The following TEK variants were observed in gnomAD, a reference collection of about 807,000 sequenced individuals.
The protein encoded by TEK is TEK receptor tyrosine kinase.
A neutral mutation model predicts 131.8 loss-of-function variants in TEK; 43 were observed. The observed-to-expected ratio is 0.33, with a 90% CI of 0.26 to 0.42. The LOEUF (loss-of-function observed/expected upper bound fraction) is 0.42, where lower values mean the gene tolerates loss of function less well. Ranked by LOEUF, TEK falls within the 10% of genes least tolerant of loss-of-function variation. The pLI, the probability that TEK is intolerant of heterozygous loss-of-function variation, is 1.00. For synonymous variants in TEK, 580 were observed against 491.6 expected (o/e 1.18, Z -2.38); for missense variants, 1,162 against 1,384.4 (o/e 0.84, Z 2.55).
chr9:27,146,990 A>G (rs552868859), intron 1 of TEK, among the ~76,000 whole-genome samples: 1 of 152,060 alleles, frequency 6.6e-6, no homozygotes, highest in South Asian at 2.1e-4. Context: ...CGGCCTCCCA[A>G]AGTGCTGGGA....
At position 27,109,410 on chromosome 9, in the gene TEK, G is replaced by T. The variant is rs895195559; in HGVS notation, c.-181G>T. 2.8e-6 allele frequency: 2 copies of T among 706,814 alleles called. No individual in the cohort carries two copies. The highest frequency in any genetic ancestry group is 3.6e-5 in the African/African-American group (2 of 56,230). 43.8% of individuals were successfully genotyped at this position (706,814 alleles called of 1,614,324 possible). On this transcript the variant is annotated 5_prime_UTR_variant, in exon 1 of 23. Coordinates refer to ENST00000380036, the MANE Select transcript of TEK (RefSeq NM_000459.5). ...AGGAAAAAGGAACTTAAAACTCCCT[G>T]TGCTCAGACAGAAATGAGACTGTTA...
chr9:27,186,999 A>C (rs1250940271), intron 9 of TEK, among the ~76,000 whole-genome samples: 1 of 152,196 alleles, frequency 6.6e-6, no homozygotes, highest in Non-Finnish European at 1.5e-5. Flanking sequence ...CACGTGATTA[A>C]AATAATTTCT....
intron 1 of TEK, among the ~76,000 whole-genome samples, chr9:27,138,261 G>A (rs1822579965): frequency 2.0e-5 from 3 of 152,212 alleles, no homozygotes; most frequent in African/African-American, 4.8e-5. Context: ...GGCTCAGGTG[G>A]CCAGCTTTTA....
chr9:27,155,803 TC>T (rs1439562883), intron 1 of TEK, among the ~76,000 whole-genome samples: 1 of 146,330 alleles, frequency 6.8e-6, no homozygotes, highest in African/African-American at 2.6e-5. Context: ...CAGTTCAGAC[TC>T]GGGGGAGCAC....
chr9:27,213,016 T>G (rs1308531112), intron 17 of TEK, 119 bp downstream of exon 17: 6 of 1,076,766 alleles, frequency 5.6e-6, no homozygotes, highest in Non-Finnish European at 6.8e-6. Flanking sequence ...AAAATCTCCC[T>G]CATTTTAATC....
chr9:27,224,018 G>GATA (rs1826199767), intron 21 of TEK, among the ~76,000 whole-genome samples: 1 of 151,962 alleles, frequency 6.6e-6, no homozygotes, highest in Non-Finnish European at 1.5e-5. Context: ...TAGAAGAAAT[G>GATA]GATAAATTCA....
At chr9:27,148,372 A>G (rs1427255209) in intron 1 of TEK, among the ~76,000 whole-genome samples, 1 of 152,280 alleles carries the variant, frequency 6.6e-6, no homozygotes, top group Admixed American at 6.5e-5. Flanking sequence ...TTTGATGAGT[A>G]ACAAGGCATC....
chr9:27,150,492 T>A (rs1823085454), intron 1 of TEK, among the ~76,000 whole-genome samples: 2 of 152,008 alleles, frequency 1.3e-5, no homozygotes, highest in Admixed American at 1.3e-4. Flanking sequence ...ATGCCTGTAG[T>A]TCTGGCTATT....
intron 1 of TEK, among the ~76,000 whole-genome samples, chr9:27,136,082 G>GT (rs1335849233): frequency 6.0e-5 from 6 of 99,196 alleles, no homozygotes; most frequent in African/African-American, 7.8e-5. Context: ...TCCCAGGGCA[G>GT]TTATTTTTTT....
Position 27,202,872 on chromosome 9 carries a change from A to G in TEK, c.1962A>G (p.Ser654=), listed in dbSNP as rs639225. Residue 654 remains serine (S), a synonymous_variant, in exon 13 of 23, where the codon TCA becomes TCG. Transcript: ENST00000380036. ...NIKISNITHS[S]AVISWTILDG... ...AGATTTCCAACATTACACACTCCTC[A>G]GCTGTGATTTCTTGGACAATATTGG... The G allele has an allele frequency of 0.48, 767,226 of 1,613,684 alleles. 185,217 individuals are homozygous for G. Among genetic ancestry groups the G allele is most frequent in the Admixed American group, 0.51 (30,805 of 59,998 alleles).
At chr9:27,132,085 CT>C (rs1209518877) in intron 1 of TEK, among the ~76,000 whole-genome samples, 849 of 135,786 alleles carry the variant, frequency 6.3e-3, no homozygotes, top group Non-Finnish European at 9.1e-3. Flanking sequence ...TATTTTTATT[CT>C]TTTTTTTTTT....
intron 1 of TEK, among the ~76,000 whole-genome samples, chr9:27,157,418 T>A (rs1386476401): frequency 6.6e-6 from 1 of 152,214 alleles, no homozygotes; most frequent in Admixed American, 6.5e-5. Context: ...AGTTGATATA[T>A]TTCTTTAGAA....
At chr9:27,174,832 T>TA (rs908200777) in intron 6 of TEK, among the ~76,000 whole-genome samples, 9 of 152,056 alleles carry the variant, frequency 5.9e-5, no homozygotes, top group African/African-American at 1.7e-4. Flanking sequence ...CCTTGTATTT[T>TA]AAAAAAAATT....
Position 27,109,235 on chromosome 9 carries a change from A to ACAG in TEK, c.-347_-345dup. The ACAG allele has an allele frequency of 1.9e-6, 1 of 530,746 alleles. No homozygotes were observed. The highest frequency in any genetic ancestry group is 3.3e-5 in the South Asian group (1 of 30,410). 32.9% of individuals were successfully genotyped at this position (530,746 alleles called of 1,614,324 possible). On this transcript the variant is annotated 5_prime_UTR_variant, in exon 1 of 23. Coordinates refer to ENST00000380036, the MANE Select transcript of TEK (RefSeq NM_000459.5). ...TTCCAACAAAAATTCCTCTGCCCCT[A>ACAG]CAGCAGCAGCAAAAGCAGCAGCAGA...
In TEK at chr9:27,204,891, A is replaced by G; in HGVS notation, c.2210-20A>G. ...CTATGTAAACTAAACTACCTGCTTC[A>G]CCTCTGTCTTCCTGCACAGCACCAG... On this transcript the variant is annotated intron_variant, in intron 13 of 22. Coordinates refer to ENST00000380036, the MANE Select transcript of TEK (RefSeq NM_000459.5). The G allele has an allele frequency of 6.2e-7, 1 of 1,613,348 alleles. No individual in the cohort carries two copies. The highest frequency in any genetic ancestry group is 2.2e-5 in the East Asian group (1 of 44,834).
chr9:27,150,142 A>G (rs1359864665), intron 1 of TEK, among the ~76,000 whole-genome samples: 1 of 152,112 alleles, frequency 6.6e-6, no homozygotes, highest in East Asian at 1.9e-4. Context: ...TGCCAGATGT[A>G]TATACATTCC....
intron 6 of TEK, among the ~76,000 whole-genome samples, chr9:27,178,547 G>C (rs1485299364): frequency 3.9e-5 from 6 of 152,072 alleles, no homozygotes; most frequent in Non-Finnish European, 7.4e-5. Context: ...AGATAACTTA[G>C]TTGTGATTGA....
At chr9:27,193,914 C>T (rs1824917452) in intron 11 of TEK, among the ~76,000 whole-genome samples, 1 of 152,166 alleles carries the variant, frequency 6.6e-6, no homozygotes, top group Non-Finnish European at 1.5e-5. Context: ...TCAAGTCATC[C>T]TCCCACCTCA....
chr9:27,219,028 G>T (rs373619376), intron 20 of TEK, among the ~76,000 whole-genome samples: 2 of 104,996 alleles, frequency 1.9e-5, no homozygotes, highest in East Asian at 2.7e-4. Flanking sequence ...TGACCTGGAG[G>T]CCATGAACTT....
Sources: gnomAD v4.1 joint callset for allele counts (sites outside exome capture counted in the v4.1 genomes callset) on GRCh38, gnomAD v4.1.1 for gene constraint, MANE v1.5 for transcripts, NCBI Gene and HGNC (gene_info 2026-07-23, HGNC 2026-07-21) for gene names.